The following SARNP variants were observed in gnomAD, a reference collection of about 807,000 sequenced individuals.
SARNP encodes SAP domain containing ribonucleoprotein.
SARNP carries 5 observed loss-of-function variants against 38.1 expected under a neutral mutation model. That is an observed-to-expected ratio of 0.13 (90% confidence interval 0.07 to 0.28). The LOEUF is 0.28. Among genes scored for constraint, SARNP ranks in the 10% least tolerant of loss-of-function variants. The probability of loss-of-function intolerance (pLI) is 1.00; values close to 1 mark genes in which losing one functional copy is unlikely to be tolerated. For synonymous variants in SARNP, 84 were observed against 80.6 expected, an observed-to-expected ratio of 1.04 and a Z score of -0.23; for missense variants, 180 against 243.9, an observed-to-expected ratio of 0.74 and a Z score of 1.75.
chr12:55,807,524 C>T (rs949188862), intron 1 of SARNP, among the ~76,000 whole-genome samples: 4 of 151,346 alleles, frequency 2.6e-5, no homozygotes, highest in Admixed American at 6.6e-5. Context: ...AATTTTTGGT[C>T]GGGCGTGGTG....
intron 1 of SARNP, among the ~76,000 whole-genome samples, chr12:55,815,233 T>C (rs999111209): frequency 1.3e-5 from 2 of 151,816 alleles, no homozygotes; most frequent in African/African-American, 4.8e-5. Flanking sequence ...AATTTTTTAA[T>C]TTTTTTTGTA....
intron 9 of SARNP, among the ~76,000 whole-genome samples, chr12:55,787,024 G>GT (rs1879516220): frequency 1.3e-5 from 2 of 151,848 alleles, no homozygotes; most frequent in Admixed American, 1.3e-4. Flanking sequence ...GAGGCCAGGA[G>GT]TTTGAGACCA....
intron 9 of SARNP, among the ~76,000 whole-genome samples, chr12:55,762,826 C>T (rs1260639263): frequency 6.6e-6 from 1 of 152,162 alleles, no homozygotes; most frequent in African/African-American, 2.4e-5. Context: ...AAATCAAAAG[C>T]AGGGCAGCTA....
chr12:55,791,276 A>G (rs990415182), intron 7 of SARNP, among the ~76,000 whole-genome samples: 4 of 152,230 alleles, frequency 2.6e-5, no homozygotes, highest in African/African-American at 9.6e-5. Context: ...CTGTGAATAT[A>G]CTATGAAATA....
intron 9 of SARNP, among the ~76,000 whole-genome samples, chr12:55,779,663 C>T (rs1415699091): frequency 6.6e-6 from 1 of 152,096 alleles, no homozygotes; most frequent in Non-Finnish European, 1.5e-5. Flanking sequence ...CTAAGAAATC[C>T]TAATTACAGA....
intron 9 of SARNP, among the ~76,000 whole-genome samples, chr12:55,771,036 C>G (rs1260314761): frequency 1.3e-5 from 2 of 151,376 alleles, no homozygotes; most frequent in Non-Finnish European, 2.9e-5. Flanking sequence ...TTCCCGGGTT[C>G]AAGTGATTCT....
chr12:55,755,936 G>A (rs1315870748), downstream of SARNP: 4 of 3,726 alleles, frequency 1.1e-3, no homozygotes, highest in Non-Finnish European at 1.4e-3. Context: ...AGAGGATAAA[G>A]AGACGAAGAA....
chr12:55,784,133 T>C (rs181237925), intron 9 of SARNP, among the ~76,000 whole-genome samples: 115 of 152,272 alleles, frequency 7.6e-4, no homozygotes, highest in Middle Eastern at 3.4e-3. Flanking sequence ...TTGTTTAGAA[T>C]ACTAGGATAG....
At chr12:55,801,335 G>A (rs760266367) in intron 2 of SARNP, among the ~76,000 whole-genome samples, 39 of 151,990 alleles carry the variant, frequency 2.6e-4, no homozygotes, top group Non-Finnish European at 5.0e-4. Context: ...CTTAGCTACT[G>A]GGGAGGCTGA....
At chr12:55,773,354 C>T (rs910422241) in intron 9 of SARNP, among the ~76,000 whole-genome samples, 1 of 152,198 alleles carries the variant, frequency 6.6e-6, no homozygotes, top group Non-Finnish European at 1.5e-5. Flanking sequence ...TCCCATCCTG[C>T]TCCAATTATC....
chr12:55,800,697 T>A, intron 3 of SARNP, 68 bp from the exon 4 acceptor site: 2 of 1,388,334 alleles, frequency 1.4e-6, no homozygotes, highest in Admixed American at 1.8e-5. Context: ...AAGAAGAACA[T>A]CAGAACTCCA....
chr12:55,810,417 T>C (rs1284241487), intron 1 of SARNP, among the ~76,000 whole-genome samples: 1 of 151,998 alleles, frequency 6.6e-6, no homozygotes, highest in African/African-American at 2.4e-5. Context: ...GTGCCCAGCT[T>C]GCCCTGTGAT....
intron 9 of SARNP, among the ~76,000 whole-genome samples, chr12:55,787,697 A>G (rs1879543471): frequency 6.6e-6 from 1 of 151,610 alleles, no homozygotes; most frequent in African/African-American, 2.4e-5. Context: ...CAGCCTCCCA[A>G]AGTGCTGGGA....
chr12:55,792,815 G>A (rs1879712884), intron 7 of SARNP: 1 of 152,054 alleles, frequency 6.6e-6, no homozygotes, highest in South Asian at 2.1e-4. Flanking sequence ...GCCCCAAGTA[G>A]CTGGGACTAC....
downstream of SARNP, chr12:55,753,482 A>G (rs1384138405): frequency 6.6e-6 from 1 of 152,174 alleles, no homozygotes; most frequent in African/African-American, 2.4e-5. Context: ...AAAAATAAGG[A>G]AAGCTGGCTG....
At chr12:55,789,406 A>G (rs1879597242) in intron 8 of SARNP, among the ~76,000 whole-genome samples, 2 of 152,208 alleles carry the variant, frequency 1.3e-5, no homozygotes, top group Non-Finnish European at 2.9e-5. Flanking sequence ...AAGGGAAGCC[A>G]AACACTGCCA....
intron 9 of SARNP, among the ~76,000 whole-genome samples, chr12:55,768,447 C>CT (rs1377153142): frequency 1.3e-5 from 2 of 148,976 alleles, no homozygotes; most frequent in Non-Finnish European, 3.0e-5. Context: ...TTTTTTGAGA[C>CT]TGAGTCCCAC....
chr12:55,779,420 C>T (rs1879278722), intron 9 of SARNP, among the ~76,000 whole-genome samples: 1 of 152,180 alleles, frequency 6.6e-6, no homozygotes, highest in South Asian at 2.1e-4. Flanking sequence ...TACACTAAGC[C>T]TAGGCACTGC....
chr12:55,785,124 C>A (rs1879452024), intron 9 of SARNP, among the ~76,000 whole-genome samples: 1 of 149,962 alleles, frequency 6.7e-6, no homozygotes, highest in Non-Finnish European at 1.5e-5. Flanking sequence ...CTGTAATAAT[C>A]AAAAAAATTT....
Sources: gnomAD v4.1 joint callset for allele counts (sites outside exome capture counted in the v4.1 genomes callset) on GRCh38, gnomAD v4.1.1 for gene constraint, MANE v1.5 for transcripts, NCBI Gene and HGNC (gene_info 2026-07-23, HGNC 2026-07-21) for gene names.